TMEM260: variants seen among roughly 807,000 people sequenced by gnomAD.
The protein encoded by TMEM260 is transmembrane protein 260, also known as protein O-mannosyl-transferase TMEM260.
In TMEM260, 82 loss-of-function variants were observed where a neutral mutation model predicts 88.9. The ratio of observed to expected loss-of-function variants is 0.92; its 90% CI spans 0.77 to 1.11. The LOEUF (loss-of-function observed/expected upper bound fraction) is 1.11. Ranked by LOEUF, TMEM260 falls within the 50% of genes least tolerant of loss-of-function variation. The pLI, the probability that TMEM260 is intolerant of heterozygous loss-of-function variation, is 0.00. For missense variants in TMEM260, 902 were observed against 853.4 expected (o/e 1.06, Z -0.71); for synonymous variants, 314 against 309.3 (o/e 1.02, Z -0.16).
intron 1 of TMEM260, among the ~76,000 whole-genome samples, chr14:56,582,144 T>G (rs1371400258): frequency 6.6e-6 from 1 of 152,244 alleles, no homozygotes; most frequent in Non-Finnish European, 1.5e-5. Flanking sequence ...GTTTACATGT[T>G]GAATGCACTA....
intron 15 of TMEM260, among the ~76,000 whole-genome samples, chr14:56,646,916 T>C (rs1259104695): frequency 6.6e-6 from 1 of 151,944 alleles, no homozygotes; most frequent in Non-Finnish European, 1.5e-5. Flanking sequence ...GTTGAGTAAA[T>C]AGCTTTCCAT....
At chr14:56,658,866 A>G in the TMEM260 span, among the ~76,000 whole-genome samples, 3 of 151,828 alleles carry the variant, frequency 2.0e-5, no homozygotes, top group East Asian at 3.9e-4. Flanking sequence ...AAGTAGCTGG[A>G]ATTACAGGCA....
the TMEM260 span, among the ~76,000 whole-genome samples, chr14:56,657,228 G>T: frequency 6.6e-6 from 1 of 152,154 alleles, no homozygotes; most frequent in South Asian, 2.1e-4. Context: ...GGGGGATAGG[G>T]TCATAGATTG....
At position 56,618,608 on chromosome 14, in the gene TMEM260, G is replaced by A; in HGVS notation, c.1071G>A (p.Trp357Ter). The A allele has an allele frequency of 6.2e-7, 1 of 1,614,018 alleles. No homozygotes were observed. Among genetic ancestry groups the A allele is most frequent in the South Asian group, 1.1e-5 (1 of 91,038 alleles). ...CTCTTTCACAGGTGGAACGATTCTG[G>A]ATGCAGAGCAATGCAGTAGTGGCCG... ...PLFMGVVERFWMQSNAVVAVL... is the reference protein window; with the variant it reads ...PLFMGVVERF Residue 357 changes from tryptophan to a stop codon, truncating the protein, a stop_gained, in exon 10 of 16, where the codon TGG becomes TGA. Coordinates refer to ENST00000261556, the MANE Select transcript of TMEM260 (RefSeq NM_017799.4). LOFTEE classifies it high-confidence loss of function.
Position 56,615,932 on chromosome 14 carries a change from T to C in TMEM260, c.858-12T>C, listed in dbSNP as rs200606249. On this transcript the variant is annotated splice_polypyrimidine_tract_variant and intron_variant, in intron 7 of 15. Coordinates refer to ENST00000261556, the MANE Select transcript of TMEM260 (RefSeq NM_017799.4). The stretch of plus-strand genomic sequence containing the variant: ...GTTTCCTGCCAACAATAAGTTAGAT[T>C]GTTTTTTGCAGTTCTCAAGTAACAA... 6.3e-7 allele frequency: 1 copy of C among 1,599,080 alleles called. No individual in the cohort carries two copies. Among genetic ancestry groups the C allele is most frequent in the Non-Finnish European group, 8.6e-7 (1 of 1,167,108 alleles).
At chr14:56,601,313 A>G (rs1251649502) in intron 3 of TMEM260, among the ~76,000 whole-genome samples, 2 of 152,174 alleles carry the variant, frequency 1.3e-5, no homozygotes, top group Admixed American at 6.6e-5. Context: ...GGATTCATTT[A>G]TATCAGGATT....
At chr14:56,649,897 A>G (rs371923438), downstream of TMEM260, among the ~76,000 whole-genome samples, 61 of 152,348 alleles carry the variant, frequency 4.0e-4, no homozygotes, top group East Asian at 9.5e-3. Context: ...AGATAGGATC[A>G]TAATGATTTA....
At chr14:56,587,925 A>G (rs371060469) in intron 3 of TMEM260, among the ~76,000 whole-genome samples, 1 of 152,046 alleles carries the variant, frequency 6.6e-6, no homozygotes, top group Admixed American at 6.6e-5. Flanking sequence ...GGCTTGTTAC[A>G]ATTTCATTTG....
chr14:56,631,003 A>G (rs1293460677), intron 12 of TMEM260, among the ~76,000 whole-genome samples: 1 of 152,194 alleles, frequency 6.6e-6, no homozygotes, highest in African/African-American at 2.4e-5. Flanking sequence ...CAGCAAACCC[A>G]TACAGGGCTG....
intron 4 of TMEM260, among the ~76,000 whole-genome samples, chr14:56,604,682 A>C (rs188323852): frequency 6.6e-5 from 10 of 152,314 alleles, no homozygotes; most frequent in African/African-American, 2.2e-4. Flanking sequence ...ATGTTAAAAA[A>C]ATTATTCAAT....
intron 15 of TMEM260, chr14:56,638,334 AAAAG>A (rs1889283411): frequency 6.6e-6 from 1 of 152,170 alleles, no homozygotes; most frequent in African/African-American, 2.4e-5. Context: ...AAAGAAAAAA[AAAAG>A]GGCTTTAAAC....
chr14:56,584,748 G>A (rs1452729712), intron 1 of TMEM260, among the ~76,000 whole-genome samples: 3 of 152,118 alleles, frequency 2.0e-5, no homozygotes, highest in Non-Finnish European at 2.9e-5. Context: ...GGGAAAATAA[G>A]CATTTTTTAA....
chr14:56,606,596 A>C (rs935128959), intron 5 of TMEM260, among the ~76,000 whole-genome samples: 6 of 152,198 alleles, frequency 3.9e-5, no homozygotes, highest in African/African-American at 1.4e-4. Flanking sequence ...TGTGACTAAA[A>C]AGTAAGTAAA....
rs1373835193 is a variant in TMEM260 at position 56,647,468 on chromosome 14, CAA to C, written c.2097_2098del (p.Leu701GlufsTer3). 6.2e-7 allele frequency: 1 copy of C among 1,607,688 alleles called. No individual in the cohort carries two copies. Among genetic ancestry groups the C allele is most frequent in the Non-Finnish European group, 8.5e-7 (1 of 1,178,260 alleles). On this transcript the variant is annotated frameshift_variant, in exon 16 of 16. Coordinates refer to ENST00000261556, the MANE Select transcript of TMEM260 (RefSeq NM_017799.4). LOFTEE classifies it high-confidence loss of function. ...TCTAAAGCACCTAAGAAAAGAACTG[CAA>C]AGTCTGAGAAATAGGAAAAATGTCT... ...GALKHLRKELQSLRNRKNV is the reference protein window; with the variant it reads ...GALKHLRKELXSLRNRKNV
chr14:56,643,633 C>T (rs1889761215), intron 15 of TMEM260, among the ~76,000 whole-genome samples: 1 of 152,146 alleles, frequency 6.6e-6, no homozygotes, highest in Non-Finnish European at 1.5e-5. Flanking sequence ...CACTCCTATT[C>T]AACATAGTGT....
chr14:56,598,878 C>G (rs1453765258), intron 3 of TMEM260, among the ~76,000 whole-genome samples: 1 of 152,172 alleles, frequency 6.6e-6, no homozygotes, highest in Non-Finnish European at 1.5e-5. Context: ...GGCAGACTTT[C>G]AGGACAAATA....
the TMEM260 span, among the ~76,000 whole-genome samples, chr14:56,657,111 A>C: frequency 6.6e-6 from 1 of 152,124 alleles, no homozygotes; most frequent in Non-Finnish European, 1.5e-5. Context: ...TTCTCAGAGA[A>C]CAGTCTCCTA....
At chr14:56,659,479 C>T in the TMEM260 span, among the ~76,000 whole-genome samples, 14 of 152,210 alleles carry the variant, frequency 9.2e-5, 1 homozygote, top group African/African-American at 3.4e-4. Flanking sequence ...AGCTCTCGAC[C>T]CTGGGCCTGA....
At chr14:56,627,917 C>G (rs1888339166) in intron 12 of TMEM260, among the ~76,000 whole-genome samples, 1 of 152,180 alleles carries the variant, frequency 6.6e-6, no homozygotes, top group Admixed American at 6.5e-5. Flanking sequence ...CACACTGTCT[C>G]CTCAGGCCTA....
Sources: gnomAD v4.1 joint callset for allele counts (sites outside exome capture counted in the v4.1 genomes callset) on GRCh38, gnomAD v4.1.1 for gene constraint, MANE v1.5 for transcripts, NCBI Gene and HGNC (gene_info 2026-07-23, HGNC 2026-07-21) for gene names.